The following ADARB2 variants were observed in gnomAD, a reference collection of about 807,000 sequenced individuals.
The protein encoded by ADARB2 is adenosine deaminase RNA specific B2 (inactive).
In ADARB2, 25 loss-of-function variants were observed where a neutral mutation model predicts 62.2. That is an observed-to-expected ratio of 0.40 (90% CI 0.29 to 0.56). The LOEUF is 0.56. Among genes scored for constraint, ADARB2 ranks in the 20% least tolerant of loss-of-function variants. The pLI is 0.43. For missense variants in ADARB2, 1,071 were observed against 1,077.4 expected, an observed-to-expected ratio of 0.99 and a Z score of 0.08; for synonymous variants, 572 against 500.8, an observed-to-expected ratio of 1.14 and a Z score of -1.90.
At chr10:1,661,373 G>T (rs1160925082) in intron 1 of ADARB2, among the ~76,000 whole-genome samples, 1 of 152,120 alleles carries the variant, frequency 6.6e-6, no homozygotes, top group Non-Finnish European at 1.5e-5. Flanking sequence ...TGTCTCACAG[G>T]TTATCCCTTT....
chr10:1,662,255 C>A (rs771839608), intron 1 of ADARB2, among the ~76,000 whole-genome samples: 2 of 152,180 alleles, frequency 1.3e-5, no homozygotes, highest in Non-Finnish European at 2.9e-5. Flanking sequence ...GCCCGGTCCA[C>A]GGGTTTGAGG....
At chr10:1,244,046 C>T (rs1325009950) in intron 4 of ADARB2, among the ~76,000 whole-genome samples, 1 of 152,222 alleles carries the variant, frequency 6.6e-6, no homozygotes, top group Non-Finnish European at 1.5e-5. Flanking sequence ...CAGGTCCAGG[C>T]CTCCTCCTCT....
chr10:1,712,734 G>C (rs905664137), intron 1 of ADARB2, among the ~76,000 whole-genome samples: 1 of 136,554 alleles, frequency 7.3e-6, no homozygotes, highest in African/African-American at 2.8e-5. Flanking sequence ...TCAGCCTCCC[G>C]AGTAGCTGGG....
In ADARB2 at chr10:1,233,584, G is replaced by A. The variant is rs1830829993; in HGVS notation, c.1513+110C>T. 5 of 1,187,978 alleles carry A rather than the reference G, an allele frequency of 4.2e-6. 1 individual carries two copies. Among genetic ancestry groups the A allele is most frequent in the Non-Finnish European group, 5.7e-6 (5 of 881,034 alleles). The allele number at this position is 1,187,978 out of a possible 1,614,324, so 73.6% of individuals were successfully genotyped here. On this transcript the variant is annotated intron_variant, in intron 6 of 9. Coordinates refer to ENST00000381312, the MANE Select transcript of ADARB2 (RefSeq NM_018702.4). ...ACTCAATCCCCTTCCAGTACCCAAG[G>A]GCCCCACACACCGCGCCCCTGCCCT...
In ADARB2 at chr10:1,398,225, G is replaced by A. The variant is rs1260560135; in HGVS notation, c.101-19065C>T. ...GGTCACCATCAGTCTCTCCCCTCCCGAGTGCAGGCTTCCTGGGTCACCGTC... is the reference window on the plus strand; with the variant it reads ...GGTCACCATCAGTCTCTCCCCTCCCAAGTGCAGGCTTCCTGGGTCACCGTC... On this transcript the variant is annotated intron_variant, in intron 1 of 9. Coordinates refer to ENST00000381312, the MANE Select transcript of ADARB2 (RefSeq NM_018702.4). The surrounding 1 kb of genome is among the most constrained non-coding windows in gnomAD (Gnocchi z 4.1). 6.6e-6 allele frequency among the ~76,000 whole-genome samples: 1 copy of A among 150,996 alleles called. No homozygotes were observed. Among genetic ancestry groups the A allele is most frequent in the South Asian group, 2.1e-4 (1 of 4,744 alleles).
intron 1 of ADARB2, among the ~76,000 whole-genome samples, chr10:1,394,581 G>A (rs1832595726): frequency 6.6e-6 from 1 of 152,214 alleles, no homozygotes; most frequent in South Asian, 2.1e-4. Flanking sequence ...GAGGGGAGAG[G>A]GAGTGACCTC....
intron 1 of ADARB2, among the ~76,000 whole-genome samples, chr10:1,586,095 T>G (rs892987237): frequency 1.3e-5 from 2 of 152,152 alleles, no homozygotes; most frequent in Non-Finnish European, 2.9e-5. Flanking sequence ...CTGACCACCT[T>G]GGGCACACGT....
At chr10:1,338,188 T>A (rs1831991713) in intron 3 of ADARB2, among the ~76,000 whole-genome samples, 1 of 152,216 alleles carries the variant, frequency 6.6e-6, no homozygotes, top group Non-Finnish European at 1.5e-5. Context: ...TCTTAAGGAA[T>A]GTGGCAGGCA....
At chr10:1,451,032 C>A (rs984063469) in intron 1 of ADARB2, among the ~76,000 whole-genome samples, 1 of 152,216 alleles carries the variant, frequency 6.6e-6, no homozygotes, top group African/African-American at 2.4e-5. Flanking sequence ...AAGCCAGAAA[C>A]ACAGAGAGAT....
intron 1 of ADARB2, chr10:1,395,034 G>A (rs1208374144): frequency 2.0e-5 from 9 of 451,056 alleles, no homozygotes; most frequent in South Asian, 6.2e-5. Context: ...ATCCTGCCTC[G>A]GCCTCCCAAG....
intron 1 of ADARB2, among the ~76,000 whole-genome samples, chr10:1,624,682 G>A (rs752161425): frequency 6.6e-6 from 1 of 152,068 alleles, no homozygotes; most frequent in Non-Finnish European, 1.5e-5. Context: ...ATAACTCCTT[G>A]AAATAAAAAG....
chr10:1,445,150 T>A (rs1356136184), intron 1 of ADARB2, among the ~76,000 whole-genome samples: 1 of 145,254 alleles, frequency 6.9e-6, no homozygotes, highest in Non-Finnish European at 1.5e-5. Context: ...TCACTCACCA[T>A]CTATCTATCT....
intron 1 of ADARB2, among the ~76,000 whole-genome samples, chr10:1,653,033 C>T (rs188981249): frequency 8.1e-4 from 124 of 152,344 alleles, no homozygotes; most frequent in African/African-American, 2.8e-3. Context: ...CCATCTCAGG[C>T]ACCCAATCAC....
chr10:1,476,336 C>G (rs1831400681), intron 1 of ADARB2, among the ~76,000 whole-genome samples: 1 of 152,162 alleles, frequency 6.6e-6, no homozygotes, highest in Non-Finnish European at 1.5e-5. Flanking sequence ...GGGCCCTTGG[C>G]AGGGAGAAGC....
intron 1 of ADARB2, among the ~76,000 whole-genome samples, chr10:1,621,494 C>T (rs1833703344): frequency 6.6e-6 from 1 of 151,892 alleles, no homozygotes; most frequent in East Asian, 1.9e-4. Context: ...CAGCTCACTG[C>T]AGCCTCGGCC....
intron 1 of ADARB2, among the ~76,000 whole-genome samples, chr10:1,459,124 G>A (rs1001298689): frequency 1.3e-5 from 2 of 152,196 alleles, no homozygotes; most frequent in Non-Finnish European, 2.9e-5. Context: ...ATTGTGGAAA[G>A]CAGTGTGGTA....
At chr10:1,198,084 C>T (rs185514853) in intron 8 of ADARB2, among the ~76,000 whole-genome samples, 14 of 152,304 alleles carry the variant, frequency 9.2e-5, no homozygotes, top group African/African-American at 2.6e-4. Context: ...GAGACATCCT[C>T]GAAATGGGCT....
At chr10:1,465,990 C>T (rs958716327) in intron 1 of ADARB2, among the ~76,000 whole-genome samples, 27 of 152,274 alleles carry the variant, frequency 1.8e-4, no homozygotes, top group African/African-American at 5.8e-4. Context: ...CTGCTTTCTA[C>T]TGCTGTGTGT....
chr10:1,557,782 G>A (rs1832726072), intron 1 of ADARB2, among the ~76,000 whole-genome samples: 1 of 152,022 alleles, frequency 6.6e-6, no homozygotes, highest in Non-Finnish European at 1.5e-5. Flanking sequence ...GGTAGTGGTG[G>A]GCATCTGTAA....
Sources: allele counts gnomAD v4.1 joint callset (sites outside exome capture counted in the v4.1 genomes callset), GRCh38; gene constraint gnomAD v4.1.1; non-coding constraint Gnocchi (gnomAD v3.1); transcripts MANE v1.5; gene names NCBI Gene and HGNC (gene_info 2026-07-23, HGNC 2026-07-21).